The following CTNNA2 variants were observed in gnomAD, a reference collection of about 807,000 sequenced individuals.
CTNNA2 encodes the protein catenin alpha-2.
A neutral mutation model predicts 101.0 loss-of-function variants in CTNNA2; 42 were observed. The observed-to-expected ratio is 0.42, with a 90% CI of 0.32 to 0.54. The LOEUF (loss-of-function observed/expected upper bound fraction) is 0.54. CTNNA2 is among the 20% of genes least tolerant of loss of function. The pLI is 0.14. For synonymous variants in CTNNA2, 450 were observed against 456.4 expected, an observed-to-expected ratio of 0.99 and a Z score of 0.18; for missense variants, 871 against 1,223.1, an observed-to-expected ratio of 0.71 and a Z score of 4.29.
At chr2:79,213,542 ATAGCC>A (rs1674204676) in intron 2 of CTNNA2, among the ~76,000 whole-genome samples, 1 of 152,210 alleles carries the variant, frequency 6.6e-6, no homozygotes, top group Non-Finnish European at 1.5e-5. Context: ...ATACTATAGC[ATAGCC>A]TGCCTTTGCT....
At chr2:79,828,016 G>A (rs572828486) in intron 3 of CTNNA2, among the ~76,000 whole-genome samples, 1 of 152,164 alleles carries the variant, frequency 6.6e-6, no homozygotes, top group South Asian at 2.1e-4. Flanking sequence ...TCTTTTCTTT[G>A]TTGATCTTTT....
upstream of CTNNA2, among the ~76,000 whole-genome samples, chr2:79,512,826 CCCAG>C (rs1671592477): frequency 6.6e-6 from 1 of 151,418 alleles, no homozygotes; most frequent in South Asian, 2.1e-4. Flanking sequence ...CGGCCCCCCA[CCCAG>C]CCACCCCTCG....
intron 7 of CTNNA2, among the ~76,000 whole-genome samples, chr2:80,292,619 T>C (rs1307592513): frequency 6.6e-6 from 1 of 152,200 alleles, no homozygotes; most frequent in Non-Finnish European, 1.5e-5. Context: ...CAAGAAGAAG[T>C]GGAGGCCTCT....
At chr2:79,882,999 C>T (rs895673897) in intron 6 of CTNNA2, among the ~76,000 whole-genome samples, 3 of 152,202 alleles carry the variant, frequency 2.0e-5, no homozygotes, top group Admixed American at 6.5e-5. Flanking sequence ...TCTTCCTCTC[C>T]GTGGATCACG....
intron 7 of CTNNA2, among the ~76,000 whole-genome samples, chr2:80,344,547 T>A (rs967095161): frequency 1.3e-5 from 2 of 152,158 alleles, no homozygotes; most frequent in Non-Finnish European, 2.9e-5. Flanking sequence ...TGCAGTGCCA[T>A]GATCTTGGCT....
At chr2:79,563,188 T>TATATATATATATATATATA (rs1491331448) in intron 1 of CTNNA2, among the ~76,000 whole-genome samples, 16 of 42,290 alleles carry the variant, frequency 3.8e-4, no homozygotes, top group African/African-American at 5.4e-4. Flanking sequence ...TATATATATA[T>TATATATATATATATATATA]TTTCCTTCAT....
At chr2:80,539,953 G>A (rs1257723957) in intron 9 of CTNNA2, among the ~76,000 whole-genome samples, 1 of 152,200 alleles carries the variant, frequency 6.6e-6, no homozygotes, top group Non-Finnish European at 1.5e-5. Context: ...GAGTGGAGAA[G>A]GCAGAGGCGG....
chr2:79,930,264 AAGAAAGAAAGAAAGAG>A (rs1190294661), intron 7 of CTNNA2, among the ~76,000 whole-genome samples: 1 of 128,196 alleles, frequency 7.8e-6, no homozygotes, highest in African/African-American at 3.2e-5. Flanking sequence ...GAAAGAAAGA[AAGAAAGAAAGAAAGAG>A]AGAGAGAGAG....
intron 2 of CTNNA2, among the ~76,000 whole-genome samples, chr2:79,214,185 T>G (rs1009577687): frequency 6.6e-6 from 1 of 152,180 alleles, no homozygotes; most frequent in African/African-American, 2.4e-5. Context: ...TAGGCTTGAC[T>G]GAAGTAATGG....
intron 4 of CTNNA2, among the ~76,000 whole-genome samples, chr2:79,437,504 C>G (rs1479101637): frequency 2.6e-5 from 4 of 152,150 alleles, no homozygotes; most frequent in Admixed American, 6.5e-5. Flanking sequence ...GCAGTGGAAA[C>G]TTGTTAGAAA....
intron 2 of CTNNA2, among the ~76,000 whole-genome samples, chr2:79,259,264 A>G (rs1317748780): frequency 6.6e-6 from 1 of 152,148 alleles, no homozygotes; most frequent in Non-Finnish European, 1.5e-5. Context: ...ATGAGGGGGC[A>G]TATCAGCCTA....
intron 4 of CTNNA2, among the ~76,000 whole-genome samples, chr2:79,391,579 C>T (rs147326545): frequency 2.7e-4 from 41 of 152,234 alleles, no homozygotes; most frequent in African/African-American, 9.9e-4. Flanking sequence ...CCCCTAACCC[C>T]TGCATGGTTC....
chr2:79,264,871 A>T (rs999078926), intron 2 of CTNNA2, among the ~76,000 whole-genome samples: 1 of 152,090 alleles, frequency 6.6e-6, no homozygotes, highest in Admixed American at 6.6e-5. Context: ...AGCTAAGGAG[A>T]GGAAGTCCTA....
At chr2:79,875,793 TTAA>T (rs1682977468) in intron 6 of CTNNA2, among the ~76,000 whole-genome samples, 1 of 152,112 alleles carries the variant, frequency 6.6e-6, no homozygotes, top group African/African-American at 2.4e-5. Flanking sequence ...AAATGAAGAC[TTAA>T]TAATAGGTAA....
Position 80,092,685 on chromosome 2 carries a change from A to G in CTNNA2, c.1056+182888A>G, listed in dbSNP as rs187424805. ...GCCATGGTTACAAACTGCTTAATCA[A>G]TAGTCTGGGAAACAGTAGCAGCCAC... On this transcript the variant is annotated intron_variant, in intron 7 of 18. Coordinates refer to ENST00000402739, the MANE Select transcript of CTNNA2 (RefSeq NM_001282597.3). 6.5e-3 allele frequency among the ~76,000 whole-genome samples: 977 copies of G among 150,228 alleles called. 11 individuals carry two copies. Among genetic ancestry groups the G allele is most frequent in the African/African-American group, 0.022 (915 of 41,402 alleles).
chr2:79,991,481 A>G (rs1363970593), intron 7 of CTNNA2, among the ~76,000 whole-genome samples: 1 of 152,154 alleles, frequency 6.6e-6, no homozygotes, highest in African/African-American at 2.4e-5. Context: ...AAAATTCCTC[A>G]TCTGTGAAAT....
At chr2:79,750,871 C>CA (rs561864179) in intron 3 of CTNNA2, among the ~76,000 whole-genome samples, 15,623 of 113,178 alleles carry the variant, frequency 0.14, 2,301 homozygotes, top group African/African-American at 0.39. Context: ...GACTCTGTCT[C>CA]AAAAAAAAAA....
At chr2:80,345,834 A>T (rs990417413) in intron 7 of CTNNA2, among the ~76,000 whole-genome samples, 3 of 152,122 alleles carry the variant, frequency 2.0e-5, no homozygotes, top group Non-Finnish European at 4.4e-5. Flanking sequence ...TTTTCCAAGG[A>T]TGTTTTCCAC....
At chr2:80,610,241 G>C (rs1174621486) in intron 17 of CTNNA2, among the ~76,000 whole-genome samples, 1 of 151,510 alleles carries the variant, frequency 6.6e-6, no homozygotes, top group East Asian at 2.0e-4. Context: ...TGCCAATTCT[G>C]CCTCCATCTT....
Sources: allele counts gnomAD v4.1 joint callset (sites outside exome capture counted in the v4.1 genomes callset), GRCh38; gene constraint gnomAD v4.1.1; transcripts MANE v1.5; gene names NCBI Gene and HGNC (gene_info 2026-07-23, HGNC 2026-07-21).